HTR1F: variants seen among roughly 807,000 people sequenced by gnomAD.
HTR1F encodes the protein 5-hydroxytryptamine (serotonin) receptor 1F, G protein-coupled.
A neutral mutation model predicts 24.0 loss-of-function variants in HTR1F; 17 were observed. The observed-to-expected ratio is 0.71, with a 90% CI of 0.48 to 1.06. HTR1F has a LOEUF of 1.06. HTR1F is among the 50% of genes least tolerant of loss of function. HTR1F has a pLI of 0.00. For synonymous variants in HTR1F, 186 were observed against 156.8 expected (o/e 1.19, Z -1.39); for missense variants, 391 against 427.8 (o/e 0.91, Z 0.76).
chr3:87,947,234 T>C (rs1052948818), intron 2 of HTR1F, among the ~76,000 whole-genome samples: 1 of 152,220 alleles, frequency 6.6e-6, no homozygotes, highest in African/African-American at 2.4e-5. Flanking sequence ...GAAATTTTTA[T>C]TACTGGAAGG....
chr3:87,797,807 A>C (rs969061592), intron 1 of HTR1F, among the ~76,000 whole-genome samples: 1 of 152,186 alleles, frequency 6.6e-6, no homozygotes, highest in African/African-American at 2.4e-5. Context: ...TTAAAATGGG[A>C]GTTACTAATG....
intron 2 of HTR1F, among the ~76,000 whole-genome samples, chr3:87,932,113 C>T (rs1040864648): frequency 6.6e-6 from 1 of 152,082 alleles, no homozygotes; most frequent in African/African-American, 2.4e-5. Flanking sequence ...ACATGAAGTC[C>T]TTACCCATGC....
intron 2 of HTR1F, among the ~76,000 whole-genome samples, chr3:87,906,418 TATA>T (rs1004775877): frequency 3.3e-5 from 5 of 152,288 alleles, no homozygotes; most frequent in East Asian, 1.9e-4. Flanking sequence ...GAATAATTTT[TATA>T]ATGTTTTCTC....
At chr3:87,967,738 T>G (rs893821429) in intron 2 of HTR1F, among the ~76,000 whole-genome samples, 3 of 152,218 alleles carry the variant, frequency 2.0e-5, no homozygotes, top group Non-Finnish European at 4.4e-5. Flanking sequence ...TCTGCCATGA[T>G]TGAGTGGCCT....
intron 1 of HTR1F, among the ~76,000 whole-genome samples, chr3:87,806,555 G>C (rs1189698506): frequency 6.6e-6 from 1 of 151,868 alleles, no homozygotes; most frequent in Non-Finnish European, 1.5e-5. Flanking sequence ...CTAGATATTA[G>C]TCCCTTGTCA....
intron 2 of HTR1F, among the ~76,000 whole-genome samples, chr3:87,845,363 C>A (rs1449816818): frequency 2.0e-5 from 3 of 151,466 alleles, no homozygotes; most frequent in Non-Finnish European, 4.4e-5. Context: ...TCTCCTTAAG[C>A]TGATAAGCAA....
At chr3:87,800,599 C>T (rs1241385866) in intron 1 of HTR1F, among the ~76,000 whole-genome samples, 2 of 152,146 alleles carry the variant, frequency 1.3e-5, no homozygotes, top group East Asian at 3.9e-4. Context: ...TACCTGGAGG[C>T]AGAAATGGAG....
At position 87,991,408 on chromosome 3, in the gene HTR1F, T is replaced by C. The variant is rs374593102; in HGVS notation, c.659T>C (p.Ile220Thr). 13 of 1,613,784 alleles carry C rather than the reference T, an allele frequency of 8.1e-6. No individual in the cohort carries two copies. The highest frequency in any genetic ancestry group is 1.0e-5 in the Non-Finnish European group (12 of 1,179,964). The change falls in exon 3 of 3, where the codon ATT becomes ACT. Residue 220 changes from isoleucine to threonine, a missense_variant. Ile to Thr is a moderately conservative substitution (Grantham distance 89). Transcript: ENST00000319595. ...TACCACAAGAGACAAGCAAGTAGGATTGCAAAGGAGGAGGTGAATGGCCAA... is the reference window on the plus strand; with the variant it reads ...TACCACAAGAGACAAGCAAGTAGGACTGCAAAGGAGGAGGTGAATGGCCAA... ...TLYHKRQASR[I>T]AKEEVNGQVL...
rs141843145 is a variant in HTR1F, at chr3:87,849,810, C to T, written c.-43+27686C>T. Reference sequence around the variant, plus strand: ...AAAGTGGGCGAAAGATATGAACAGACGCTTCTCAAAAGAGGACATTTATGC... The same window carrying T: ...AAAGTGGGCGAAAGATATGAACAGATGCTTCTCAAAAGAGGACATTTATGC... On this transcript the variant is annotated intron_variant, in intron 2 of 2. Coordinates refer to ENST00000319595, the MANE Select transcript of HTR1F (RefSeq NM_001322209.2). Among the ~76,000 whole-genome samples, 359 of 152,040 alleles carry T rather than the reference C, an allele frequency of 2.4e-3. 7 individuals carry two copies. Among genetic ancestry groups the T allele is most frequent in the African/African-American group, 8.3e-3 (342 of 41,308 alleles).
At chr3:87,823,859 G>A (rs1033745122) in intron 2 of HTR1F, among the ~76,000 whole-genome samples, 7 of 152,028 alleles carry the variant, frequency 4.6e-5, no homozygotes, top group African/African-American at 1.7e-4. Flanking sequence ...AAGAGATGGA[G>A]ACCATCCTGG....
At chr3:87,909,434 G>A (rs1167350375) in intron 2 of HTR1F, among the ~76,000 whole-genome samples, 1 of 151,796 alleles carries the variant, frequency 6.6e-6, no homozygotes, top group Non-Finnish European at 1.5e-5. Context: ...ACGTGCTCAC[G>A]ATATGCTTCC....
In HTR1F at chr3:87,900,563, A is replaced by C. The variant is rs138193516; in HGVS notation, c.-43+78439A>C. Among the ~76,000 whole-genome samples, 751 of 152,296 alleles carry C rather than the reference A, an allele frequency of 4.9e-3. 8 individuals carry two copies. Among genetic ancestry groups the C allele is most frequent in the African/African-American group, 0.017 (696 of 41,574 alleles). On this transcript the variant is annotated intron_variant, in intron 2 of 2. Coordinates refer to ENST00000319595, the MANE Select transcript of HTR1F (RefSeq NM_001322209.2). ...TCACGAAGGTGGTAAGGGTAGAAGC[A>C]GGGGAAAAAATGAGCAGAATATAAC...
chr3:87,880,441 G>T (rs1402063144), intron 2 of HTR1F, among the ~76,000 whole-genome samples: 3 of 152,014 alleles, frequency 2.0e-5, no homozygotes, highest in African/African-American at 4.8e-5. Flanking sequence ...TTGAATAAAG[G>T]AAAACTTACT....
At chr3:87,812,223 G>A (rs890559795) in intron 1 of HTR1F, among the ~76,000 whole-genome samples, 9 of 152,190 alleles carry the variant, frequency 5.9e-5, no homozygotes, top group Admixed American at 2.0e-4. Flanking sequence ...GAGGTTGATA[G>A]AGTTTGGAGG....
intron 2 of HTR1F, among the ~76,000 whole-genome samples, chr3:87,981,257 C>T (rs1705537016): frequency 1.3e-5 from 2 of 152,140 alleles, no homozygotes; most frequent in African/African-American, 4.8e-5. Flanking sequence ...TGCAGTGGTG[C>T]AATCTCAGCT....
chr3:87,836,832 T>G (rs1437960224), intron 2 of HTR1F, among the ~76,000 whole-genome samples: 1 of 152,084 alleles, frequency 6.6e-6, no homozygotes, highest in Non-Finnish European at 1.5e-5. Context: ...TGGAGCCCAT[T>G]TTTTCTTTTT....
At chr3:87,815,156 A>G (rs1275508992) in intron 1 of HTR1F, among the ~76,000 whole-genome samples, 1 of 152,134 alleles carries the variant, frequency 6.6e-6, no homozygotes, top group Non-Finnish European at 1.5e-5. Context: ...ATGATGTGTC[A>G]TGGGAATTCA....
At chr3:87,822,859 G>A (rs1704386247) in intron 2 of HTR1F, among the ~76,000 whole-genome samples, 1 of 152,122 alleles carries the variant, frequency 6.6e-6, no homozygotes, top group Non-Finnish European at 1.5e-5. Context: ...TCTTTATTCA[G>A]GTCACTGATC....
At chr3:87,878,130 A>G (rs1705711665) in intron 2 of HTR1F, among the ~76,000 whole-genome samples, 1 of 152,204 alleles carries the variant, frequency 6.6e-6, no homozygotes, top group Non-Finnish European at 1.5e-5. Context: ...AGGTAGAAAT[A>G]AGAGGACTTT....
Sources: allele counts gnomAD v4.1 joint callset (sites outside exome capture counted in the v4.1 genomes callset), GRCh38; gene constraint gnomAD v4.1.1; transcripts MANE v1.5; gene names NCBI Gene and HGNC (gene_info 2026-07-23, HGNC 2026-07-21).